IRS1: variants seen among roughly 807,000 people sequenced by gnomAD.
IRS1 encodes the protein insulin receptor substrate 1.
Under a neutral mutation model 65.6 loss-of-function variants are expected in IRS1, and 34 were observed. The observed-to-expected ratio is 0.52, with a 90% confidence interval of 0.39 to 0.69. The LOEUF is 0.69. IRS1 is among the 30% of genes least tolerant of loss of function. IRS1 has a pLI of 0.00. For synonymous variants in IRS1, 699 were observed against 683.5 expected (o/e 1.02, Z -0.35); for missense variants, 1,641 against 1,720.2 (o/e 0.95, Z 0.81).
At chr2:226,752,859 C>T (rs1290410282) in intron 1 of IRS1, among the ~76,000 whole-genome samples, 2 of 152,192 alleles carry the variant, frequency 1.3e-5, no homozygotes, top group African/African-American at 4.8e-5. Flanking sequence ...TGGCGTGGGA[C>T]CTCGGGCACT....
At position 226,731,706 on chromosome 2, in the gene IRS1, A is replaced by T. The variant is rs1415236136; in HGVS notation, c.*4566T>A. 1 of 152,184 alleles carries T rather than the reference A, an allele frequency of 6.6e-6. No homozygotes were observed. The highest frequency in any genetic ancestry group is 1.5e-5 in the Non-Finnish European group (1 of 68,024). 9.4% of individuals were successfully genotyped at this position (152,184 alleles called of 1,614,324 possible). ...CTTAAGATGATAAACCAAACTGCAC[A>T]TACATTAAATGAAAATACATATATG... is the stretch of plus-strand genomic sequence containing the variant. On this transcript the variant is annotated 3_prime_UTR_variant, in exon 2 of 2. Transcript: ENST00000305123.
chr2:226,766,161 A>ATTTTTTT (rs1312915502), intron 1 of IRS1, among the ~76,000 whole-genome samples: 5 of 5,460 alleles, frequency 9.2e-4, no homozygotes, highest in Non-Finnish European at 1.6e-3. Context: ...ATATATATAT[A>ATTTTTTT]TATTTTTTTT....
chr2:226,748,488 C>T (rs1226548604), intron 1 of IRS1, among the ~76,000 whole-genome samples: 1 of 150,196 alleles, frequency 6.7e-6, no homozygotes, highest in Non-Finnish European at 1.5e-5. Flanking sequence ...CCTTCTGTTC[C>T]AGAATTAGTA....
At position 226,799,112 on chromosome 2, in the gene IRS1, C is replaced by T. The variant is rs549989639; in HGVS notation, c.-374G>A. 1.1e-4 allele frequency: 134 copies of T among 1,181,744 alleles called. No individual in the cohort carries two copies. The highest frequency in any genetic ancestry group is 1.4e-4 in the Non-Finnish European group (130 of 938,668). 73.2% of individuals were successfully genotyped at this position (1,181,744 alleles called of 1,614,324 possible). On this transcript the variant is annotated 5_prime_UTR_variant, in exon 1 of 2. Coordinates refer to ENST00000305123, the MANE Select transcript of IRS1 (RefSeq NM_005544.3). The surrounding 1 kb of genome is among the most constrained non-coding windows in gnomAD (Gnocchi z 6.1). ...GAGTCCGGCACAGGGAGGCGACAGT[C>T]GGGGGTCCCTGCGGTGCCCCTCCAG... is the stretch of plus-strand genomic sequence containing the variant.
Position 226,795,838 on chromosome 2 carries a change from A to G in IRS1, c.2901T>C (p.Pro967=). The change falls in exon 1 of 2, where the codon CCT becomes CCC. Residue 967 remains proline, a synonymous_variant. Transcript: ENST00000305123. ...STGVEMGRLG[P]APPGAASICR... ...AAATGCTAGCAGCCCCGGGAGGTGC[A>G]GGGCCCAGTCTGCCCATCTCGACCC... 1 of 1,613,236 alleles carries G rather than the reference A, an allele frequency of 6.2e-7. No homozygotes were observed. The highest frequency in any genetic ancestry group is 2.2e-5 in the East Asian group (1 of 44,868).
chr2:226,743,349 C>A (rs1386654991), intron 1 of IRS1, among the ~76,000 whole-genome samples: 2 of 152,036 alleles, frequency 1.3e-5, no homozygotes, highest in African/African-American at 2.4e-5. Flanking sequence ...CCTGCTTCAG[C>A]CTCCCAAGTA....
intron 1 of IRS1, among the ~76,000 whole-genome samples, chr2:226,761,740 C>T (rs1487783488): frequency 6.6e-6 from 1 of 151,560 alleles, no homozygotes; most frequent in African/African-American, 2.4e-5. Context: ...TTCCCCAAAT[C>T]CAAAACTCTG....
In IRS1 at chr2:226,796,577, C is replaced by T; in HGVS notation, c.2162G>A (p.Ser721Asn). 1 of 1,613,964 alleles carries T rather than the reference C, an allele frequency of 6.2e-7. No individual in the cohort carries two copies. Among genetic ancestry groups the T allele is most frequent in the Non-Finnish European group, 8.5e-7 (1 of 1,179,960 alleles). Residue 721 changes from serine to asparagine, a missense_variant, in exon 1 of 2, where the codon AGC becomes AAC. This residue lies in a region of IRS1 where 1,324 missense variants were observed against 1,361.0 expected (regional missense o/e 0.97). Transcript: ENST00000305123. ...TGTGCAAGGTAAGAGCTTACCACCG[C>T]TGCTCTCCACTGGGGGTTTGGGGTG... ...LPHPKPPVES[S>N]GGKLLPCTGD... is the part of the protein sequence containing the mutation.
At position 226,795,712 on chromosome 2, in the gene IRS1, A is replaced by G. The variant is rs776704743; in HGVS notation, c.3027T>C (p.Pro1009=). 3.1e-6 allele frequency: 5 copies of G among 1,613,412 alleles called. No individual in the cohort carries two copies. The South Asian group carries it at 4.4e-5, about 14-fold the overall frequency. Residue 1009 remains proline, a synonymous_variant, in exon 1 of 2, where the codon CCT becomes CCC. Coordinates refer to ENST00000305123, the MANE Select transcript of IRS1 (RefSeq NM_005544.3). The part of the protein sequence containing the change: ...QSYVDTSPAA[P]VSYADMRTGI... ...CTGTTCGCATGTCAGCATAGCTTAC[A>G]GGGGCAGCTGGCGAGGTGTCCACGT...
chr2:226,742,504 G>A (rs1006886646), intron 1 of IRS1, among the ~76,000 whole-genome samples: 1 of 152,184 alleles, frequency 6.6e-6, no homozygotes, highest in Non-Finnish European at 1.5e-5. Flanking sequence ...TTTGCCTGGT[G>A]CAAGTCACAT....
chr2:226,796,587 C>T lies in IRS1; in HGVS notation c.2152G>A (p.Val718Met). The change falls in exon 1 of 2, where the codon GTG (valine) becomes ATG (methionine). Residue 718 changes from valine to methionine, a missense_variant. By Grantham distance (21) the Val-to-Met change is conservative. Around this residue, in one of 3 missense-constraint regions of IRS1, gnomAD observed 1,324 missense variants for 1,361.0 expected, o/e 0.97. Transcript: ENST00000305123. ...AAGAGCTTACCACCGCTGCTCTCCA[C>T]TGGGGGTTTGGGGTGAGGCAAGACA... ...SHVLPHPKPP[V>M]ESSGGKLLPC... 6.2e-7 allele frequency: 1 copy of T among 1,614,080 alleles called. No individual in the cohort carries two copies. The highest frequency in any genetic ancestry group is 8.5e-7 in the Non-Finnish European group (1 of 1,179,980).
chr2:226,788,019 C>CA (rs539121964), intron 1 of IRS1, among the ~76,000 whole-genome samples: 9,701 of 140,410 alleles, frequency 0.069, 418 homozygotes, highest in East Asian at 0.17. Context: ...TACATATATT[C>CA]AAAAAAAAAA....
Position 226,766,136 on chromosome 2 carries a change from TATATATATATATA to T in IRS1, c.*21+28840_*21+28852del, listed in dbSNP as rs1559151900. 6.6e-3 allele frequency among the ~76,000 whole-genome samples: 23 copies of T among 3,506 alleles called. 3 individuals are homozygous for T. The highest frequency in any genetic ancestry group is 0.033 in the South Asian group (4 of 120). 2.3% of individuals were successfully genotyped at this position (3,506 alleles called of 152,430 possible). A position where few individuals can be genotyped will look rare whatever the true frequency, so the allele number is the denominator to read the frequency against. On this transcript the variant is annotated intron_variant, in intron 1 of 1. Transcript: ENST00000305123. ...TCTCTTAATCTTATATATATATATA[TATATATATATATA>T]TATATATATATATATTTTTTTTTTT... is the stretch of plus-strand genomic sequence containing the variant.
chr2:226,772,472 T>TA (rs1939183563), intron 1 of IRS1, among the ~76,000 whole-genome samples: 1 of 152,146 alleles, frequency 6.6e-6, no homozygotes, highest in Non-Finnish European at 1.5e-5. Context: ...CTTTCACTTA[T>TA]AATAGTCAAC....
chr2:226,739,899 A>G (rs1381976320), intron 1 of IRS1, among the ~76,000 whole-genome samples: 2 of 152,270 alleles, frequency 1.3e-5, no homozygotes, highest in Non-Finnish European at 2.9e-5. Flanking sequence ...CAATAAGCAT[A>G]AATACAATGA....
At chr2:226,771,422 G>T (rs1939162551) in intron 1 of IRS1, among the ~76,000 whole-genome samples, 1 of 152,182 alleles carries the variant, frequency 6.6e-6, no homozygotes, top group Admixed American at 6.5e-5. Flanking sequence ...GAACAAAGGA[G>T]TAGGTTGGAG....
rs757550813 is a variant in IRS1 at position 226,796,944 on chromosome 2, G to A, written c.1795C>T (p.His599Tyr). ...MHPLERRGGHHRPDSSTLHTD... is the reference protein window; with the variant it reads ...MHPLERRGGHYRPDSSTLHTD... Reference sequence around the variant, plus strand: ...TGGAGGGTGGAGCTGTCTGGGCGGTGGTGCCCCCCCCGACGCTCCAAGGGG... The same window carrying A: ...TGGAGGGTGGAGCTGTCTGGGCGGTAGTGCCCCCCCCGACGCTCCAAGGGG... The change falls in exon 1 of 2, where the codon CAC becomes TAC. Residue 599 changes from histidine to tyrosine, a missense_variant. Coordinates refer to ENST00000305123, the MANE Select transcript of IRS1 (RefSeq NM_005544.3). 5 of 1,558,532 alleles carry A rather than the reference G, an allele frequency of 3.2e-6. No homozygotes were observed. The highest frequency in any genetic ancestry group is 4.4e-6 in the Non-Finnish European group (5 of 1,149,204).
rs1382033914 is a variant in IRS1, at chr2:226,766,123, A to C, written c.*21+28866T>G. 9.9e-3 allele frequency among the ~76,000 whole-genome samples: 37 copies of C among 3,724 alleles called. 1 individual carries two copies. The highest frequency in any genetic ancestry group is 0.033 in the African/African-American group (34 of 1,038). The allele number at this position is 3,724 out of a possible 152,430, so 2.4% of individuals were successfully genotyped here. On this transcript the variant is annotated intron_variant, in intron 1 of 1. Transcript: ENST00000305123. ...TTTCCCAAGGCCCTCTCTTAATCTT[A>C]TATATATATATATATATATATATAT...
chr2:226,768,114 C>T (rs549148020), intron 1 of IRS1, among the ~76,000 whole-genome samples: 1 of 152,298 alleles, frequency 6.6e-6, no homozygotes, highest in African/African-American at 2.4e-5. Flanking sequence ...TACTGGGACA[C>T]TCTTCACCAG....
Sources: gnomAD v4.1 joint callset for allele counts (sites outside exome capture counted in the v4.1 genomes callset) on GRCh38, gnomAD v4.1.1 for gene constraint, gnomAD v4.1.1 regional missense constraint, Gnocchi (gnomAD v3.1) non-coding constraint, MANE v1.5 for transcripts, NCBI Gene and HGNC (gene_info 2026-07-23, HGNC 2026-07-21) for gene names.